The following PROM1 variants were observed in gnomAD, a reference collection of about 807,000 sequenced individuals.
The protein encoded by PROM1 is prominin 1, also known as prominin-1.
Under a neutral mutation model 116.9 loss-of-function variants are expected in PROM1, and 105 were observed. The ratio of observed to expected loss-of-function variants is 0.90; its 90% confidence interval spans 0.77 to 1.06. The LOEUF (loss-of-function observed/expected upper bound fraction) is 1.06. PROM1 is among the 50% of genes least tolerant of loss of function. The pLI is 0.00. For missense variants in PROM1, 1,122 were observed against 1,045.2 expected (o/e 1.07, Z -1.01); for synonymous variants, 393 against 387.0 (o/e 1.02, Z -0.18).
chr4:15,998,595 A>G (rs1467372542), intron 14 of PROM1, 107 bp from the exon 15 acceptor site: 1 of 1,208,224 alleles, frequency 8.3e-7, no homozygotes, highest in Non-Finnish European at 1.1e-6. Context: ...ATTTTTCATA[A>G]CATTATTTTT....
intron 13 of PROM1, among the ~76,000 whole-genome samples, chr4:16,004,832 T>TTTTCTTCCTTC (rs1203366908): frequency 1.6e-5 from 2 of 122,612 alleles, no homozygotes; most frequent in South Asian, 2.8e-4. Context: ...TCTTTCTTTT[T>TTTTCTTCCTTC]CTTCCTTCCT....
At chr4:16,081,946 T>C (rs1745125192) in intron 1 of PROM1, among the ~76,000 whole-genome samples, 1 of 151,540 alleles carries the variant, frequency 6.6e-6, no homozygotes, top group Non-Finnish European at 1.5e-5. Flanking sequence ...AGGGCACTGC[T>C]GAATAGACAG....
At chr4:15,977,859 A>T (rs112349266) in intron 26 of PROM1, among the ~76,000 whole-genome samples, 2,186 of 152,310 alleles carry the variant, frequency 0.014, 52 homozygotes, top group African/African-American at 0.05. Context: ...CGGCTTCCCA[A>T]TGTGCTGGGA....
At chr4:16,003,207 G>A (rs545870955) in intron 13 of PROM1, 5 of 438,964 alleles carry the variant, frequency 1.1e-5, no homozygotes, top group South Asian at 7.9e-5. Flanking sequence ...GATCTTCCAC[G>A]CATGGATGTG....
At chr4:16,080,115 C>T (rs1240514081) in intron 1 of PROM1, 2 of 151,050 alleles carry the variant, frequency 1.3e-5, no homozygotes, top group Non-Finnish European at 1.5e-5. Context: ...TTACTTGAGT[C>T]CAGGAAGCTG....
chr4:16,041,047 T>C (rs1735104675), intron 2 of PROM1, among the ~76,000 whole-genome samples: 1 of 152,172 alleles, frequency 6.6e-6, no homozygotes, highest in African/African-American at 2.4e-5. Context: ...AACCAGCGGG[T>C]CTCCAAGCAT....
At chr4:16,071,710 G>A (rs368583196) in intron 2 of PROM1, among the ~76,000 whole-genome samples, 3 of 152,156 alleles carry the variant, frequency 2.0e-5, no homozygotes, top group Non-Finnish European at 4.4e-5. Flanking sequence ...CAGCAAATCT[G>A]CCAGCACCTT....
chr4:15,979,837 T>C, intron 25 of PROM1, 44 bp downstream of exon 25: 1 of 1,412,822 alleles, frequency 7.1e-7, no homozygotes, highest in Non-Finnish European at 9.7e-7. Context: ...AATATCAACC[T>C]CCCCCATCCC....
At chr4:15,993,958 A>G (rs745874039) in intron 16 of PROM1, 29 bp downstream of exon 16, 7 of 1,607,422 alleles carry the variant, frequency 4.4e-6, no homozygotes, top group Admixed American at 3.4e-5. Context: ...GGAATGTGTT[A>G]TGTCGATTCC....
chr4:16,083,763 G>A (rs2149632137), intron 1 of PROM1: 1 of 152,146 alleles, frequency 6.6e-6, no homozygotes, highest in East Asian at 1.9e-4. Context: ...TTTATGACCC[G>A]GCTTCTGGGA....
At chr4:15,994,518 T>C (rs1387463475) in intron 15 of PROM1, among the ~76,000 whole-genome samples, 2 of 152,156 alleles carry the variant, frequency 1.3e-5, no homozygotes, top group Non-Finnish European at 2.9e-5. Context: ...CGGCACTGAC[T>C]AAATATACGC....
At chr4:15,991,404 G>T (rs1720950242) in intron 17 of PROM1, 111 bp from the exon 18 acceptor site, 3 of 685,496 alleles carry the variant, frequency 4.4e-6, no homozygotes, top group Non-Finnish European at 2.3e-6. Flanking sequence ...AAGTAATCAT[G>T]TGAGGTCAGA....
intron 1 of PROM1, 113 bp from the exon 2 acceptor site, chr4:16,076,231 G>A (rs1200760042): frequency 7.7e-6 from 2 of 260,924 alleles, no homozygotes; most frequent in Non-Finnish European, 1.5e-5. Context: ...AGCCTAATCC[G>A]GATGGGTGGG....
At position 16,033,586 on chromosome 4, in the gene PROM1, C is replaced by T. The variant is rs116496566; in HGVS notation, c.304-77G>A. 2,075 of 272,424 alleles carry T rather than the reference C, an allele frequency of 7.6e-3. 1 individual carries two copies. The highest frequency in any genetic ancestry group is 7.9e-3 in the Non-Finnish European group (1,333 of 167,890). 16.9% of individuals were successfully genotyped at this position (272,424 alleles called of 1,614,324 possible). A position where few individuals can be genotyped will look rare whatever the true frequency, so the allele number is the denominator to read the frequency against. Reference sequence around the variant, plus strand: ...AGAACATTCCATGGTGTACAAAGTTCTTTTTTTTTTTTTTTTTTTTTGAGA... The same window carrying T: ...AGAACATTCCATGGTGTACAAAGTTTTTTTTTTTTTTTTTTTTTTTTGAGA... On this transcript the variant is annotated intron_variant, in intron 4 of 27. Transcript: ENST00000447510.
intron 5 of PROM1, among the ~76,000 whole-genome samples, chr4:16,025,970 G>A (rs1020677510): frequency 3.9e-5 from 6 of 152,186 alleles, no homozygotes; most frequent in South Asian, 2.1e-4. Flanking sequence ...CAAGTGAAAC[G>A]GTGGTGCTGG....
At chr4:16,060,450 A>T (rs1284890916) in intron 2 of PROM1, among the ~76,000 whole-genome samples, 2 of 152,074 alleles carry the variant, frequency 1.3e-5, no homozygotes, top group Non-Finnish European at 2.9e-5. Flanking sequence ...AGTAGCTGGG[A>T]CTACAGGCAC....
At chr4:16,078,919 A>G (rs774601435) in intron 1 of PROM1, among the ~76,000 whole-genome samples, 2 of 152,280 alleles carry the variant, frequency 1.3e-5, no homozygotes, top group Middle Eastern at 3.4e-3. Context: ...TCCTTTGTCA[A>G]ATCATGGGCT....
chr4:15,995,050 A>G (rs1315647733), intron 15 of PROM1, among the ~76,000 whole-genome samples: 2 of 152,182 alleles, frequency 1.3e-5, no homozygotes, highest in African/African-American at 2.4e-5. Flanking sequence ...AGAAAAGCCA[A>G]TGGATTGCTA....
chr4:16,073,485 G>T (rs1270639731), intron 2 of PROM1, among the ~76,000 whole-genome samples: 1 of 152,156 alleles, frequency 6.6e-6, no homozygotes. Context: ...GGCACTTTAA[G>T]ACCACTAGGA....
Sources: allele counts gnomAD v4.1 joint callset (sites outside exome capture counted in the v4.1 genomes callset), GRCh38; gene constraint gnomAD v4.1.1; transcripts MANE v1.5; gene names NCBI Gene and HGNC (gene_info 2026-07-23, HGNC 2026-07-21).